The following CBX1 variants were observed in gnomAD, a reference collection of about 807,000 sequenced individuals.
CBX1 encodes chromobox protein homolog 1.
In CBX1, 10 loss-of-function variants were observed where a neutral mutation model predicts 25.1. That is an observed-to-expected ratio of 0.40 (90% confidence interval 0.25 to 0.68). The LOEUF is 0.68. Ranked by LOEUF, CBX1 falls within the 30% of genes least tolerant of loss-of-function variation. The probability of loss-of-function intolerance (pLI) is 0.40; values close to 1 mark genes in which losing one functional copy is unlikely to be tolerated. For synonymous variants in CBX1, 63 were observed against 79.4 expected (o/e 0.79, Z 1.10); for missense variants, 106 against 218.5 (o/e 0.49, Z 3.25).
chr17:48,101,152 G>A, intron 1 of CBX1, 116 bp downstream of exon 1: 1 of 986,628 alleles, frequency 1.0e-6, no homozygotes, highest in Non-Finnish European at 1.2e-6. Flanking sequence ...CTGGACCCGG[G>A]CGCGCTCCCC....
chr17:48,078,787 CTT>C (rs1184844619), intron 1 of CBX1, among the ~76,000 whole-genome samples: 966 of 76,124 alleles, frequency 0.013, 6 homozygotes, highest in African/African-American at 0.051. Context: ...CGTGCCTGGA[CTT>C]TTTTTTTTTT....
intron 1 of CBX1, among the ~76,000 whole-genome samples, chr17:48,099,105 T>A (rs924830977): frequency 6.6e-6 from 1 of 152,110 alleles, no homozygotes; most frequent in Admixed American, 6.6e-5. Flanking sequence ...CTATCATCTA[T>A]CTTTTCTTTT....
At chr17:48,077,855 A>G (rs900442816) in intron 1 of CBX1, among the ~76,000 whole-genome samples, 5 of 152,044 alleles carry the variant, frequency 3.3e-5, no homozygotes, top group African/African-American at 4.8e-5. Flanking sequence ...TAGCTAAAAT[A>G]TTGCATTAAA....
chr17:48,077,256 C>T (rs2037683197), intron 1 of CBX1, among the ~76,000 whole-genome samples: 2 of 141,622 alleles, frequency 1.4e-5, no homozygotes, highest in Non-Finnish European at 1.5e-5. Context: ...TTACAGCAAA[C>T]TTTTTTTTTT....
At chr17:48,094,664 G>T (rs762159294) in intron 1 of CBX1, among the ~76,000 whole-genome samples, 2 of 151,516 alleles carry the variant, frequency 1.3e-5, no homozygotes, top group Non-Finnish European at 2.9e-5. Context: ...CGGAAAACGG[G>T]GTTAGGATGC....
Position 48,082,199 on chromosome 17 carries a change from G to A in CBX1, c.-37-5158C>T, listed in dbSNP as rs576720533. On this transcript the variant is annotated intron_variant, in intron 1 of 4. Coordinates refer to ENST00000225603, the MANE Select transcript of CBX1 (RefSeq NM_001127228.2). ...CCAGCCTGGGTGAGGAAGCAAGACTGTCTTTAAAAAAATGATAAAGAGGCT... is the reference window on the plus strand; with the variant it reads ...CCAGCCTGGGTGAGGAAGCAAGACTATCTTTAAAAAAATGATAAAGAGGCT... 1.5e-4 allele frequency among the ~76,000 whole-genome samples: 22 copies of A among 150,468 alleles called. No homozygotes were observed. The South Asian group carries it at 1.5e-3, about 10-fold the overall frequency.
At chr17:48,101,015 G>A (rs1022185769) in intron 1 of CBX1, 29 of 985,706 alleles carry the variant, frequency 2.9e-5, no homozygotes, top group Non-Finnish European at 3.4e-5. Context: ...CAAGTGCTCG[G>A]CCCACCCCCA....
At chr17:48,072,079 C>CTCCACCTCCTGGG (rs1220732120) in intron 4 of CBX1, among the ~76,000 whole-genome samples, 3 of 151,170 alleles carry the variant, frequency 2.0e-5, no homozygotes, top group Non-Finnish European at 4.4e-5. Context: ...TCACCACAAC[C>CTCCACCTCCTGGG]TCCACCTCCT....
At chr17:48,075,955 G>A (rs2037671130) in intron 3 of CBX1, 46 bp downstream of exon 3, 3 of 1,410,598 alleles carry the variant, frequency 2.1e-6, no homozygotes, top group Admixed American at 2.1e-5. Flanking sequence ...TACTTTGACA[G>A]TAGTTTGAAT....
At chr17:48,096,103 T>A (rs1272947566) in intron 1 of CBX1, among the ~76,000 whole-genome samples, 1 of 152,164 alleles carries the variant, frequency 6.6e-6, no homozygotes. Flanking sequence ...TGGTCTTCAG[T>A]TCCCACCTGA....
In CBX1 at chr17:48,080,758, TA is replaced by T. The variant is rs542593101; in HGVS notation, c.-37-3718del. On this transcript the variant is annotated intron_variant, in intron 1 of 4. Coordinates refer to ENST00000225603, the MANE Select transcript of CBX1 (RefSeq NM_001127228.2). ...CAATATGGCGAAACCCCATCTCTAC[TA>T]AAAGTATAAAAATTAGCTGGGTATG... Among the ~76,000 whole-genome samples, 41 of 149,976 alleles carry T rather than the reference TA, an allele frequency of 2.7e-4. No individual in the cohort carries two copies. In the South Asian group the frequency reaches 3.2e-3, roughly 12 times the overall value.
intron 1 of CBX1, among the ~76,000 whole-genome samples, chr17:48,100,235 A>G (rs781315518): frequency 6.6e-6 from 1 of 151,532 alleles, no homozygotes; most frequent in Non-Finnish European, 1.5e-5. Context: ...CGAAACAAAT[A>G]TTACCTCACA....
rs2037680188 is a variant in CBX1, at chr17:48,076,939, C to T, written c.66G>A (p.Val22=). 4 of 1,613,820 alleles carry T rather than the reference C, an allele frequency of 2.5e-6. No homozygotes were observed. The highest frequency in any genetic ancestry group is 3.4e-6 in the Non-Finnish European group (4 of 1,179,846). The part of the protein sequence containing the change: ...EVLEEEEEEY[V]VEKVLDRRVV... The stretch of plus-strand genomic sequence containing the variant: ...CTCGACGGTCGAGAACTTTTTCCAC[C>T]ACATATTCCTCTTCCTCCTCTTCTA... The change falls in exon 2 of 5, where the codon GTG becomes GTA. Residue 22 remains valine (V), a synonymous_variant. Coordinates refer to ENST00000225603, the MANE Select transcript of CBX1 (RefSeq NM_001127228.2).
chr17:48,099,308 G>C (rs953284273), intron 1 of CBX1, among the ~76,000 whole-genome samples: 3 of 152,112 alleles, frequency 2.0e-5, no homozygotes, highest in African/African-American at 7.2e-5. Flanking sequence ...CACCATGTTG[G>C]TTGGCCAGGA....
At chr17:48,076,791 C>T in intron 2 of CBX1, 74 bp downstream of exon 2, 1 of 1,376,768 alleles carries the variant, frequency 7.3e-7, no homozygotes, top group Admixed American at 2.0e-5. Context: ...CATCATAGCA[C>T]TGGAGGTCTC....
chr17:48,073,824 CAAAAAAA>C (rs60857566), intron 4 of CBX1, among the ~76,000 whole-genome samples: 2 of 82,484 alleles, frequency 2.4e-5, no homozygotes, highest in Non-Finnish European at 4.5e-5. Flanking sequence ...GAGACTGTCT[CAAAAAAA>C]AAAAAAAAAA....
At chr17:48,100,670 G>A in intron 1 of CBX1, 1 of 954,510 alleles carries the variant, frequency 1.0e-6, no homozygotes, top group Non-Finnish European at 1.2e-6. Context: ...CCCTTCCAGA[G>A]TCAGGCCCAG....
At chr17:48,078,787 C>CATTTTT (rs2037702331) in intron 1 of CBX1, among the ~76,000 whole-genome samples, 1 of 76,258 alleles carries the variant, frequency 1.3e-5, no homozygotes, top group Non-Finnish European at 2.4e-5. Flanking sequence ...CGTGCCTGGA[C>CATTTTT]TTTTTTTTTT....
At position 48,101,447 on chromosome 17, in the gene CBX1, G is replaced by A. The variant is rs1442878386; in HGVS notation, c.-217C>T. The A allele has an allele frequency of 2.0e-6, 2 of 985,494 alleles. No homozygotes were observed. The highest frequency in any genetic ancestry group is 1.1e-4 in the East Asian group (1 of 8,812). 61.0% of individuals were successfully genotyped at this position (985,494 alleles called of 1,614,324 possible). On this transcript the variant is annotated 5_prime_UTR_variant, in exon 1 of 5. Transcript: ENST00000225603. ...CGGCCCTCCCCTCAGCCGAACAAAAGAGCCTCGCAGTCTGCGCTGCCCGCC... is the reference window on the plus strand; with the variant it reads ...CGGCCCTCCCCTCAGCCGAACAAAAAAGCCTCGCAGTCTGCGCTGCCCGCC...
Sources: allele counts gnomAD v4.1 joint callset (sites outside exome capture counted in the v4.1 genomes callset), GRCh38; gene constraint gnomAD v4.1.1; transcripts MANE v1.5; gene names NCBI Gene and HGNC (gene_info 2026-07-23, HGNC 2026-07-21).